Variants in CTNNA2 observed in about 807,000 individuals in gnomAD.
CTNNA2 encodes the protein catenin alpha-2.
In CTNNA2, 42 loss-of-function variants were observed where a neutral mutation model predicts 101.0. The ratio of observed to expected loss-of-function variants is 0.42; its 90% CI spans 0.32 to 0.54. CTNNA2 has a LOEUF of 0.54. CTNNA2 is among the 20% of genes least tolerant of loss of function. CTNNA2 has a pLI of 0.14. For synonymous variants in CTNNA2, 450 were observed against 456.4 expected (o/e 0.99, Z 0.18); for missense variants, 871 against 1,223.1 (o/e 0.71, Z 4.29).
At chr2:80,283,060 G>A (rs913716634) in intron 7 of CTNNA2, among the ~76,000 whole-genome samples, 1 of 152,142 alleles carries the variant, frequency 6.6e-6, no homozygotes, top group African/African-American at 2.4e-5. Flanking sequence ...TTTGGAGATT[G>A]AGGGTGACAT....
At chr2:79,839,586 A>AT (rs1410255109) in intron 3 of CTNNA2, among the ~76,000 whole-genome samples, 1 of 151,662 alleles carries the variant, frequency 6.6e-6, no homozygotes, top group Non-Finnish European at 1.5e-5. Flanking sequence ...TAACATACGT[A>AT]TTTTTTCTTA....
chr2:79,689,763 GAAGAA>G, intron 2 of CTNNA2, among the ~76,000 whole-genome samples: 1 of 152,040 alleles, frequency 6.6e-6, no homozygotes, highest in South Asian at 2.1e-4. Flanking sequence ...AATTATAGCA[GAAGAA>G]GAGAGCTGTA....
chr2:80,347,424 G>GAGAC (rs1251077696), intron 7 of CTNNA2, among the ~76,000 whole-genome samples: 2 of 152,096 alleles, frequency 1.3e-5, no homozygotes, highest in Non-Finnish European at 2.9e-5. Flanking sequence ...TGCTTTAGCA[G>GAGAC]AGTGCCTGTG....
intron 11 of CTNNA2, among the ~76,000 whole-genome samples, chr2:80,552,638 A>G (rs1692669902): frequency 6.6e-6 from 1 of 152,176 alleles, no homozygotes; most frequent in Non-Finnish European, 1.5e-5. Context: ...CACATACTGT[A>G]TTTACACACC....
At chr2:80,494,689 T>TAGACTAAG (rs1490356939) in intron 9 of CTNNA2, among the ~76,000 whole-genome samples, 1 of 150,426 alleles carries the variant, frequency 6.6e-6, no homozygotes, top group Non-Finnish European at 1.5e-5. Flanking sequence ...GAAGGGACAG[T>TAGACTAAG]TTAGCTCATA....
intron 7 of CTNNA2, among the ~76,000 whole-genome samples, chr2:80,227,767 A>C (rs754957705): frequency 2.2e-4 from 34 of 152,180 alleles, no homozygotes; most frequent in Non-Finnish European, 4.3e-4. Context: ...GACATTTATG[A>C]CTTGTCTGAG....
intron 7 of CTNNA2, among the ~76,000 whole-genome samples, chr2:80,100,091 A>G (rs1250583813): frequency 6.6e-6 from 1 of 150,660 alleles, no homozygotes; most frequent in Non-Finnish European, 1.5e-5. Context: ...CCCTATGCCC[A>G]GCTACATTTT....
At chr2:79,680,146 G>A (rs1683462294) in intron 2 of CTNNA2, among the ~76,000 whole-genome samples, 2 of 150,532 alleles carry the variant, frequency 1.3e-5, no homozygotes, top group African/African-American at 4.9e-5. Flanking sequence ...TACCATGAAT[G>A]TTTTTGGTTT....
chr2:80,558,113 T>C (rs1334845385), intron 12 of CTNNA2, among the ~76,000 whole-genome samples: 1 of 152,154 alleles, frequency 6.6e-6, no homozygotes, highest in Admixed American at 6.5e-5. Context: ...GAGACTGAAA[T>C]AGACAGCTTA....
chr2:79,708,979 G>T (rs78618305), intron 2 of CTNNA2, among the ~76,000 whole-genome samples: 8,229 of 152,196 alleles, frequency 0.054, 706 homozygotes, highest in African/African-American at 0.18. Flanking sequence ...GAGAGTCCTT[G>T]ATACTCTTGA....
rs189686190 is a variant in CTNNA2 at position 80,189,699 on chromosome 2, C to G, written c.1057-203512C>G. ...CTGGGCCGCCTATGTGGCGTTGTTC[C>G]ACCTCACAATACCAGACTAGAGGTG... On this transcript the variant is annotated intron_variant, in intron 7 of 18. Coordinates refer to ENST00000402739, the MANE Select transcript of CTNNA2 (RefSeq NM_001282597.3). 3.3e-5 allele frequency among the ~76,000 whole-genome samples: 5 copies of G among 152,086 alleles called. No individual in the cohort carries two copies. The South Asian group carries it at 1.0e-3, about 32-fold the overall frequency.
intron 12 of CTNNA2, among the ~76,000 whole-genome samples, chr2:80,559,214 G>T (rs72622685): frequency 6.6e-6 from 1 of 152,182 alleles, no homozygotes; most frequent in Non-Finnish European, 1.5e-5. Context: ...TGGAGCCCAT[G>T]TACTGTGGAC....
At chr2:79,235,959 C>T (rs1674552142) in intron 2 of CTNNA2, among the ~76,000 whole-genome samples, 1 of 152,184 alleles carries the variant, frequency 6.6e-6, no homozygotes, top group Non-Finnish European at 1.5e-5. Context: ...TAGGCATAAG[C>T]AGGACTTCTT....
At chr2:79,875,091 G>T (rs1682910473) in intron 6 of CTNNA2, among the ~76,000 whole-genome samples, 1 of 152,180 alleles carries the variant, frequency 6.6e-6, no homozygotes, top group Non-Finnish European at 1.5e-5. Context: ...GGGAGAGCCT[G>T]TGTTAGTTCT....
chr2:79,785,923 C>T (rs975054), intron 3 of CTNNA2, among the ~76,000 whole-genome samples: 27,238 of 152,028 alleles, frequency 0.18, 4,313 homozygotes, highest in African/African-American at 0.41. Flanking sequence ...GTATGCTCTT[C>T]ACAATTGCTA....
chr2:79,685,658 C>A (rs966686353), intron 2 of CTNNA2, among the ~76,000 whole-genome samples: 3 of 152,110 alleles, frequency 2.0e-5, no homozygotes, highest in African/African-American at 7.2e-5. Flanking sequence ...CACTTAGTTG[C>A]AAGGGAGGCT....
At chr2:79,516,302 A>T (rs1280988642) in intron 1 of CTNNA2, among the ~76,000 whole-genome samples, 1 of 152,228 alleles carries the variant, frequency 6.6e-6, no homozygotes, top group Non-Finnish European at 1.5e-5. Context: ...TTCCAAGACC[A>T]TATATGATTA....
Position 79,224,980 on chromosome 2 carries a change from A to G in CTNNA2, c.-406+26904A>G, listed in dbSNP as rs112716246. On this transcript the variant is annotated intron_variant, in intron 2 of 21. Transcript: ENST00000466387. The stretch of plus-strand genomic sequence containing the variant: ...TTTTTTTCTTTCTTATTGTTGGATA[A>G]TATGACAGTCTACAAATATACTCCA... Among the ~76,000 whole-genome samples the G allele has an allele frequency of 1.0e-3, 153 of 152,130 alleles. 1 individual carries two copies. Among genetic ancestry groups the G allele is most frequent in the African/African-American group, 3.5e-3 (147 of 41,526 alleles).
chr2:80,420,034 GAAAAAAAAAAAAAA>G (rs527701227), intron 9 of CTNNA2, among the ~76,000 whole-genome samples: 2,343 of 37,618 alleles, frequency 0.062, 83 homozygotes, highest in African/African-American at 0.15. Context: ...GGGAACTTGT[GAAAAAAAAAAAAAA>G]AAAAAAAAAA....
Sources: gnomAD v4.1 joint callset for allele counts (sites outside exome capture counted in the v4.1 genomes callset) on GRCh38, gnomAD v4.1.1 for gene constraint, MANE v1.5 for transcripts, NCBI Gene and HGNC (gene_info 2026-07-23, HGNC 2026-07-21) for gene names.